The following SERINC5 variants were observed in gnomAD, a reference collection of about 807,000 sequenced individuals.
SERINC5 encodes the protein chromosome 5 open reading frame 12.
Under a neutral mutation model 63.1 loss-of-function variants are expected in SERINC5, and 41 were observed. The observed-to-expected ratio is 0.65, with a 90% CI of 0.51 to 0.84. SERINC5 has a LOEUF of 0.84. Ranked by LOEUF, SERINC5 falls within the 40% of genes least tolerant of loss-of-function variation. The pLI is 0.00. For missense variants in SERINC5, 523 were observed against 573.0 expected (o/e 0.91, Z 0.89); for synonymous variants, 222 against 215.2 (o/e 1.03, Z -0.28).
In SERINC5 at chr5:80,143,802, C is replaced by T; in HGVS notation, c.1247G>A (p.Ser416Asn). 2.0e-6 allele frequency: 3 copies of T among 1,536,118 alleles called. No individual in the cohort carries two copies. Among genetic ancestry groups the T allele is most frequent in the Non-Finnish European group, 2.6e-6 (3 of 1,146,866 alleles). ...MTVTNWFNYE[S>N]ANIESFFSGS... ...GCTGAAGAAGCTCTCGATGTTGGCA[C>T]TTTCGTAGCTGTGGAAACAAGACAC... is the stretch of plus-strand genomic sequence containing the variant. The change falls in exon 12 of 12, where the codon AGT becomes AAT. Residue 416 changes from serine to asparagine, a missense_variant. Ser to Asn is a conservative substitution (Grantham distance 46). Coordinates refer to ENST00000507668, the MANE Select transcript of SERINC5 (RefSeq NM_001174072.3).
intron 2 of SERINC5, among the ~76,000 whole-genome samples, chr5:80,191,681 G>GAA (rs57246426): frequency 9.6e-6 from 1 of 103,886 alleles, no homozygotes; most frequent in African/African-American, 3.3e-5. Context: ...AAAAAAGAAA[G>GAA]AAAAAAAAAA....
At chr5:80,192,921 C>T (rs560590816) in intron 2 of SERINC5, among the ~76,000 whole-genome samples, 100 of 152,324 alleles carry the variant, frequency 6.6e-4, no homozygotes, top group Non-Finnish European at 1.1e-3. Context: ...CCAATATTCA[C>T]TAATGGAGTT....
intron 1 of SERINC5, among the ~76,000 whole-genome samples, chr5:80,252,911 C>T (rs1752494092): frequency 6.6e-6 from 1 of 152,214 alleles, no homozygotes; most frequent in African/African-American, 2.4e-5. Flanking sequence ...AAGAAAGTCA[C>T]CAAAATGTCT....
At chr5:80,147,849 C>T (rs73125959) in intron 9 of SERINC5, among the ~76,000 whole-genome samples, 6,674 of 152,242 alleles carry the variant, frequency 0.044, 515 homozygotes, top group African/African-American at 0.15. Flanking sequence ...TTTCATTAAA[C>T]CCTCTTTGAC....
intron 1 of SERINC5, among the ~76,000 whole-genome samples, chr5:80,231,649 G>A (rs1030226949): frequency 3.3e-5 from 5 of 151,228 alleles, no homozygotes; most frequent in East Asian, 1.9e-4. Context: ...CAATAGAATC[G>A]AGAACCCAGA....
At position 80,140,334 on chromosome 5, in the gene SERINC5, G is replaced by T. The variant is rs1428384604; in HGVS notation, c.*3329C>A. The T allele has an allele frequency of 1.3e-5, 11 of 876,068 alleles. No individual in the cohort carries two copies. Among genetic ancestry groups the T allele is most frequent in the African/African-American group, 8.1e-5 (4 of 49,486 alleles). The allele number at this position is 876,068 out of a possible 1,614,324, so 54.3% of individuals were successfully genotyped here. A position where few individuals can be genotyped will look rare whatever the true frequency, so the allele number is the denominator to read the frequency against. On this transcript the variant is annotated 3_prime_UTR_variant, in exon 12 of 12. Coordinates refer to ENST00000507668, the MANE Select transcript of SERINC5 (RefSeq NM_001174072.3). ...AAAAAAAAAAAAAAAAAAAAAAAAG[G>T]CTTAGGGTGACAATTTTGACATGGG... is the stretch of plus-strand genomic sequence containing the variant.
In SERINC5 at chr5:80,197,942, C is replaced by T. The variant is rs541557951; in HGVS notation, c.195+4944G>A. 4.6e-4 allele frequency among the ~76,000 whole-genome samples: 70 copies of T among 152,176 alleles called. 2 individuals carry two copies. Among genetic ancestry groups the T allele is most frequent in the South Asian group, 1.5e-3 (7 of 4,818 alleles). ...GCAGCCTCCACCTCCTGGATTCAAGCGATTCTCCTGCCTCAACCTCCTGAG... is the reference window on the plus strand; with the variant it reads ...GCAGCCTCCACCTCCTGGATTCAAGTGATTCTCCTGCCTCAACCTCCTGAG... On this transcript the variant is annotated intron_variant, in intron 2 of 11. Coordinates refer to ENST00000507668, the MANE Select transcript of SERINC5 (RefSeq NM_001174072.3).
intron 2 of SERINC5, among the ~76,000 whole-genome samples, chr5:80,197,165 A>G (rs1170343199): frequency 1.3e-5 from 2 of 152,158 alleles, no homozygotes; most frequent in East Asian, 3.9e-4. Context: ...CCTGGCCAAC[A>G]TGGTGAAACC....
chr5:80,255,494 G>A (rs994412934), intron 1 of SERINC5, among the ~76,000 whole-genome samples: 25 of 152,158 alleles, frequency 1.6e-4, no homozygotes, highest in African/African-American at 5.6e-4. Context: ...AAAGGAGACG[G>A]TGCCTAAACC....
At chr5:80,168,970 CT>C (rs1256670372) in intron 6 of SERINC5, among the ~76,000 whole-genome samples, 1 of 152,190 alleles carries the variant, frequency 6.6e-6, no homozygotes, top group Non-Finnish European at 1.5e-5. Flanking sequence ...TTCTGCGGCC[CT>C]TTCATTCAAC....
chr5:80,230,086 C>T (rs774912725), intron 1 of SERINC5, among the ~76,000 whole-genome samples: 107 of 152,250 alleles, frequency 7.0e-4, no homozygotes, highest in Non-Finnish European at 1.1e-3. Flanking sequence ...AGAAGGAACC[C>T]AAGGACTCGC....
chr5:80,129,656 A>G (rs922197877), intron 11 of SERINC5, among the ~76,000 whole-genome samples: 1 of 152,194 alleles, frequency 6.6e-6, no homozygotes, highest in Non-Finnish European at 1.5e-5. Context: ...CACATTCAAT[A>G]AGATATTTTT....
chr5:80,152,309 T>C (rs1350474800), intron 8 of SERINC5, among the ~76,000 whole-genome samples: 1 of 152,084 alleles, frequency 6.6e-6, no homozygotes, highest in Non-Finnish European at 1.5e-5. Flanking sequence ...GAGACCAGCT[T>C]GGACAACTTG....
chr5:80,202,967 C>A lies in SERINC5; in HGVS notation c.114G>T (p.Met38Ile). ...RIRQSLSTRFMYALYFILVVV... is the reference protein window; with the variant it reads ...RIRQSLSTRFIYALYFILVVV... Reference sequence around the variant, plus strand: ...CGACCAGAATGAAGTAGAGGGCGTACATGAAGCGGGTGCTGAGGGACTGCC... The same window carrying A: ...CGACCAGAATGAAGTAGAGGGCGTAAATGAAGCGGGTGCTGAGGGACTGCC... The change falls in exon 2 of 12, where the codon ATG becomes ATT. Residue 38 changes from methionine (M) to isoleucine (I), a missense_variant. Transcript: ENST00000507668. The A allele has an allele frequency of 6.2e-7, 1 of 1,613,692 alleles. No homozygotes were observed.
chr5:80,241,410 A>G, intron 1 of SERINC5, among the ~76,000 whole-genome samples: 1 of 152,194 alleles, frequency 6.6e-6, no homozygotes, highest in Non-Finnish European at 1.5e-5. Context: ...CGGAGGTTGC[A>G]GTGAGCCAAA....
chr5:80,121,151 T>C (rs1209370122), intron 11 of SERINC5, among the ~76,000 whole-genome samples: 1 of 152,198 alleles, frequency 6.6e-6, no homozygotes, highest in Non-Finnish European at 1.5e-5. Context: ...CCTCCCAAAG[T>C]ACTGGGATTA....
intron 9 of SERINC5, among the ~76,000 whole-genome samples, chr5:80,148,426 G>A (rs560245830): frequency 6.6e-6 from 1 of 151,796 alleles, no homozygotes; most frequent in South Asian, 2.1e-4. Context: ...CAGGCCTCAG[G>A]TGATCCACCC....
intron 1 of SERINC5, among the ~76,000 whole-genome samples, chr5:80,227,901 T>C (rs932033416): frequency 4.6e-5 from 7 of 151,746 alleles, no homozygotes; most frequent in African/African-American, 1.7e-4. Context: ...TAAAAGTTTC[T>C]AGCAATTATT....
rs941516466 is a variant in SERINC5 at position 80,165,199 on chromosome 5, T to TA, written c.859+1183dup. ...ACTTACAGAGTCAAGATAGAGTATT[T>TA]AAAAAAAAAACTTAAATCCAGGTTA... is the stretch of plus-strand genomic sequence containing the variant. On this transcript the variant is annotated intron_variant, in intron 7 of 11. Transcript: ENST00000507668. 1.7e-3 allele frequency among the ~76,000 whole-genome samples: 248 copies of TA among 149,152 alleles called. 1 individual carries two copies. Among genetic ancestry groups the TA allele is most frequent in the Middle Eastern group, 0.01 (3 of 290 alleles).
Sources: allele counts gnomAD v4.1 joint callset (sites outside exome capture counted in the v4.1 genomes callset), GRCh38; gene constraint gnomAD v4.1.1; transcripts MANE v1.5; gene names NCBI Gene and HGNC (gene_info 2026-07-23, HGNC 2026-07-21).